PHF1: variants seen among roughly 807,000 people sequenced by gnomAD.
The protein encoded by PHF1 is PHD finger protein 1.
A neutral mutation model predicts 69.4 loss-of-function variants in PHF1; 16 were observed. The ratio of observed to expected loss-of-function variants is 0.23; its 90% confidence interval spans 0.16 to 0.35. The LOEUF is 0.35. Among genes scored for constraint, PHF1 ranks in the 10% least tolerant of loss-of-function variants. The pLI is 1.00. For missense variants in PHF1, 515 were observed against 732.8 expected, an observed-to-expected ratio of 0.70 and a Z score of 3.43; for synonymous variants, 274 against 275.0, an observed-to-expected ratio of 1.00 and a Z score of 0.04.
At chr6:33,413,659 A>G (rs2151107497) in intron 6 of PHF1, 77 bp from the exon 7 acceptor site, 1 of 1,596,204 alleles carries the variant, frequency 6.3e-7, no homozygotes, top group Non-Finnish European at 8.6e-7. Context: ...TCAGGGGGAT[A>G]GGAGGTAAGT....
rs752206962 is a variant in PHF1 at position 33,415,758 on chromosome 6, C to G, written c.1416-52C>G. 5 of 1,600,934 alleles carry G rather than the reference C, an allele frequency of 3.1e-6. No homozygotes were observed. In the African/African-American group the frequency reaches 4.0e-5, roughly 13 times the overall value. On this transcript the variant is annotated intron_variant, in intron 14 of 14. Coordinates refer to ENST00000374516, the MANE Select transcript of PHF1 (RefSeq NM_024165.3). ...AGTCTCTAACACTGTTTCTCTGATTCACATGTGCTCTCCATTTCTGCCCAT... is the reference window on the plus strand; with the variant it reads ...AGTCTCTAACACTGTTTCTCTGATTGACATGTGCTCTCCATTTCTGCCCAT...
rs1776278423 is a variant in PHF1, at chr6:33,414,235, T to A, written c.753-8T>A. ...GCCTCTGTGGTCTTGAAAACTTTGT[T>A]TTTCCAGGGTGGATGTGGCCCATCT... is the stretch of plus-strand genomic sequence containing the variant. On this transcript the variant is annotated splice_region_variant and splice_polypyrimidine_tract_variant and intron_variant, in intron 8 of 14. Coordinates refer to ENST00000374516, the MANE Select transcript of PHF1 (RefSeq NM_024165.3). The surrounding 1 kb of genome is among the most constrained non-coding windows in gnomAD (Gnocchi z 5.0). The A allele has an allele frequency of 6.2e-7, 1 of 1,613,902 alleles. No individual in the cohort carries two copies. The highest frequency in any genetic ancestry group is 1.3e-5 in the African/African-American group (1 of 74,872).
At chr6:33,413,578 A>C (rs571936645) in intron 6 of PHF1, 21 bp downstream of exon 6, 65 of 1,613,878 alleles carry the variant, frequency 4.0e-5, no homozygotes, top group Non-Finnish European at 5.4e-5. Context: ...AGAGGGGAGC[A>C]GACTGTGGAA....
At chr6:33,411,896 C>T (rs1255481176) in intron 1 of PHF1, among the ~76,000 whole-genome samples, 1 of 152,168 alleles carries the variant, frequency 6.6e-6, no homozygotes, top group Non-Finnish European at 1.5e-5. Flanking sequence ...GGCCCGGTGG[C>T]TCACGCCTGT....
rs1284953883 is a variant in PHF1, at chr6:33,413,308, T to TC, written c.438+15dup. The stretch of plus-strand genomic sequence containing the variant: ...CGATCGCCACCAAGGTAAAGGCACT[T>TC]CCCTGTTACCCTTCCTGTGGGAGCC... On this transcript the variant is annotated intron_variant, in intron 5 of 14. Coordinates refer to ENST00000374516, the MANE Select transcript of PHF1 (RefSeq NM_024165.3). 1 of 1,612,702 alleles carries TC rather than the reference T, an allele frequency of 6.2e-7. No individual in the cohort carries two copies. The highest frequency in any genetic ancestry group is 1.1e-5 in the South Asian group (1 of 90,960).
rs201089147 is a variant in PHF1, at chr6:33,413,403, C to A, written c.439-6C>A. 6.2e-7 allele frequency: 1 copy of A among 1,614,146 alleles called. No individual in the cohort carries two copies. Among genetic ancestry groups the A allele is most frequent in the African/African-American group, 1.3e-5 (1 of 75,060 alleles). ...CTGAAGCCACCCACCTGTCCTGTCTCTGCAGAGGGGAGGTGCCCTGAAGAA... is the reference window on the plus strand; with the variant it reads ...CTGAAGCCACCCACCTGTCCTGTCTATGCAGAGGGGAGGTGCCCTGAAGAA... On this transcript the variant is annotated splice_region_variant and splice_polypyrimidine_tract_variant and intron_variant, in intron 5 of 14. Transcript: ENST00000374516.
Position 33,415,085 on chromosome 6 carries a change from C to T in PHF1, c.1180C>T (p.Arg394Cys), listed in dbSNP as rs368222331. 310 of 1,612,608 alleles carry T rather than the reference C, an allele frequency of 1.9e-4. No individual in the cohort carries two copies. Among genetic ancestry groups the T allele is most frequent in the Non-Finnish European group, 2.2e-4 (264 of 1,179,366 alleles). Residue 394 changes from arginine to cysteine, a missense_variant, in exon 12 of 15, where the codon CGC (arginine) becomes TGC (cysteine). Transcript: ENST00000374516. ...VEELGPPSAV[R>C]NQPEPQEQRE... ...GGAGCTGGGGCCACCCTCAGCAGTG[C>T]GCAATCAGCCCGAGCCCCAGGAGCA...
intron 13 of PHF1, 114 bp downstream of exon 13, chr6:33,415,443 C>T (rs1400849102): frequency 8.2e-7 from 1 of 1,225,700 alleles, no homozygotes; most frequent in East Asian, 2.3e-5. Context: ...ACTTCTTGGC[C>T]TAGACCGACT....
chr6:33,415,432 C>A, intron 13 of PHF1, 103 bp downstream of exon 13: 3 of 1,228,462 alleles, frequency 2.4e-6, no homozygotes, highest in East Asian at 4.7e-5. Flanking sequence ...CTTGGCTACC[C>A]ACTTCTTGGC....
chr6:33,415,983 G>A lies in PHF1; in HGVS notation c.1589G>A (p.Arg530Gln), dbSNP rs1776446167. 2.5e-6 allele frequency: 4 copies of A among 1,614,066 alleles called. No individual in the cohort carries two copies. Among genetic ancestry groups the A allele is most frequent in the Non-Finnish European group, 3.4e-6 (4 of 1,179,952 alleles). ...SLSPGTGGGV[R>Q]GGVGYLSRGD... ...TCTCCTGGGACTGGGGGAGGAGTCC[G>A]AGGTGGGGTTGGTTACCTGTCCCGA... The change falls in exon 15 of 15, where the codon CGA (arginine) becomes CAA (glutamine). Residue 530 changes from arginine to glutamine, a missense_variant. Coordinates refer to ENST00000374516, the MANE Select transcript of PHF1 (RefSeq NM_024165.3).
At position 33,415,676 on chromosome 6, in the gene PHF1, A is replaced by G; in HGVS notation, c.1415+6A>G. ...GACAGTGGACCCCCAGACAGGTGAGATTCTGTCTTCTATTACCAGTGATGC... is the reference window on the plus strand; with the variant it reads ...GACAGTGGACCCCCAGACAGGTGAGGTTCTGTCTTCTATTACCAGTGATGC... On this transcript the variant is annotated splice_donor_region_variant and intron_variant, in intron 14 of 14. Transcript: ENST00000374516. The G allele has an allele frequency of 6.2e-7, 1 of 1,612,710 alleles. No homozygotes were observed. Among genetic ancestry groups the G allele is most frequent in the Non-Finnish European group, 8.5e-7 (1 of 1,178,834 alleles).
In PHF1 at chr6:33,415,314, C is replaced by G. The variant is rs758521068; in HGVS notation, c.1319C>G (p.Ala440Gly). The change falls in exon 13 of 15, where the codon GCC (alanine) becomes GGC (glycine). Residue 440 changes from alanine to glycine, a missense_variant. Transcript: ENST00000374516. ...GGCTACAACTTCCGGCCCACAGATG[C>G]CCGCTGCCTGCCCAGGTCAGTGCTC... ...SSGYNFRPTD[A>G]RCLPSSPIRM... 1 of 1,612,946 alleles carries G rather than the reference C, an allele frequency of 6.2e-7. No homozygotes were observed. Among genetic ancestry groups the G allele is most frequent in the Non-Finnish European group, 8.5e-7 (1 of 1,179,578 alleles).
rs141157797 is a variant in PHF1, at chr6:33,415,097, G to A, written c.1192G>A (p.Glu398Lys). The change falls in exon 12 of 15, where the codon GAG becomes AAG. Residue 398 changes from glutamate to lysine, a missense_variant. Around this residue, in one of 5 missense-constraint regions of PHF1, gnomAD observed 274 missense variants for 304.5 expected, o/e 0.90. Transcript: ENST00000374516. ...GPPSAVRNQP[E>K]PQEQRERAHL... ...ACCCTCAGCAGTGCGCAATCAGCCC[G>A]AGCCCCAGGAGCAGAGGGAGCGGGC... is the stretch of plus-strand genomic sequence containing the variant. 435 of 1,613,346 alleles carry A rather than the reference G, an allele frequency of 2.7e-4. No homozygotes were observed. Among genetic ancestry groups the A allele is most frequent in the Admixed American group, 3.5e-4 (21 of 59,954 alleles).
At chr6:33,413,870 C>T in intron 7 of PHF1, 39 bp downstream of exon 7, 2 of 1,584,130 alleles carry the variant, frequency 1.3e-6, no homozygotes, top group Non-Finnish European at 1.7e-6. Context: ...CAAGGATGCC[C>T]TCTTTCTTCG....
At position 33,412,875 on chromosome 6, in the gene PHF1, C is replaced by A; in HGVS notation, c.337+82C>A. ...TATATCACCTGTCCTGGCCTTAGTCCCCAAGCCACTGCTCTGGCCAGGCTG... is the reference window on the plus strand; with the variant it reads ...TATATCACCTGTCCTGGCCTTAGTCACCAAGCCACTGCTCTGGCCAGGCTG... On this transcript the variant is annotated intron_variant, in intron 4 of 14. Coordinates refer to ENST00000374516, the MANE Select transcript of PHF1 (RefSeq NM_024165.3). This position sits in a 1 kb window ranked among gnomAD's most constrained non-coding sequence, Gnocchi z 4.2. The A allele has an allele frequency of 8.6e-7, 1 of 1,160,172 alleles. No individual in the cohort carries two copies. The highest frequency in any genetic ancestry group is 1.3e-6 in the Non-Finnish European group (1 of 772,060). 71.9% of individuals were successfully genotyped at this position (1,160,172 alleles called of 1,614,324 possible). A position where few individuals can be genotyped will look rare whatever the true frequency, so the allele number is the denominator to read the frequency against.
In PHF1 at chr6:33,412,518, C is replaced by G. The variant is rs891608377; in HGVS notation, c.170C>G (p.Ala57Gly). Residue 57 changes from alanine (A) to glycine (G), a missense_variant, in exon 3 of 15, where the codon GCT becomes GGT. By Grantham distance (60) the Ala-to-Gly change is moderately conservative. Coordinates refer to ENST00000374516, the MANE Select transcript of PHF1 (RefSeq NM_024165.3). This position sits in a 1 kb window ranked among gnomAD's most constrained non-coding sequence, Gnocchi z 4.2. Reference sequence around the variant, plus strand: ...GCTCACCCATTCCAGGTGGACAGTGCTAGGGAGGTGTGTCTGGTCCAGTTT... The same window carrying G: ...GCTCACCCATTCCAGGTGGACAGTGGTAGGGAGGTGTGTCTGGTCCAGTTT... ...YLGTIKKVDS[A>G]REVCLVQFED... 6.2e-7 allele frequency: 1 copy of G among 1,614,230 alleles called. No individual in the cohort carries two copies. The highest frequency in any genetic ancestry group is 1.7e-5 in the Admixed American group (1 of 60,026).
upstream of PHF1, chr6:33,410,964 C>G (rs1418002122): frequency 1.4e-5 from 2 of 145,920 alleles, no homozygotes; most frequent in Admixed American, 1.3e-4. Flanking sequence ...CTCCCACCAC[C>G]CTCCCCCCCA....
chr6:33,415,849 C>G lies in PHF1; in HGVS notation c.1455C>G (p.Ile485Met). The change falls in exon 15 of 15, where the codon ATC (isoleucine) becomes ATG (methionine). Residue 485 changes from isoleucine (I) to methionine (M), a missense_variant. Transcript: ENST00000374516. ...TTCACATTGGTTTCCCCACAGACAT[C>G]CCTAAAAGTGCCCCCCACTCGATGA... ...LELHIGFPTD[I>M]PKSAPHSMTA... The G allele has an allele frequency of 6.2e-7, 1 of 1,607,116 alleles. No individual in the cohort carries two copies. Among genetic ancestry groups the G allele is most frequent in the Non-Finnish European group, 8.5e-7 (1 of 1,174,894 alleles).
rs762794632 is a variant in PHF1 at position 33,412,451 on chromosome 6, C to T, written c.159+29C>T. ...AGACCTTCTACCTCTGACCTTCTTC[C>T]TAGTTCCCTTATCTAATTCTGGTTC... On this transcript the variant is annotated intron_variant, in intron 2 of 14. Coordinates refer to ENST00000374516, the MANE Select transcript of PHF1 (RefSeq NM_024165.3). The surrounding 1 kb of genome is among the most constrained non-coding windows in gnomAD (Gnocchi z 4.2). The T allele has an allele frequency of 3.7e-6, 6 of 1,614,182 alleles. No homozygotes were observed. Among genetic ancestry groups the T allele is most frequent in the Admixed American group, 1.7e-5 (1 of 60,032 alleles).
Sources: gnomAD v4.1 joint callset for allele counts (sites outside exome capture counted in the v4.1 genomes callset) on GRCh38, gnomAD v4.1.1 for gene constraint, gnomAD v4.1.1 regional missense constraint, Gnocchi (gnomAD v3.1) non-coding constraint, MANE v1.5 for transcripts, NCBI Gene and HGNC (gene_info 2026-07-23, HGNC 2026-07-21) for gene names.